TET1: variants seen among roughly 807,000 people sequenced by gnomAD.
The protein encoded by TET1 is methylcytosine dioxygenase TET1.
In TET1, 13 loss-of-function variants were observed where a neutral mutation model predicts 148.7. The ratio of observed to expected loss-of-function variants is 0.09; its 90% confidence interval spans 0.06 to 0.14. TET1 has a LOEUF of 0.14. TET1 is among the 10% of genes least tolerant of loss of function. The pLI is 1.00. For synonymous variants in TET1, 907 were observed against 937.2 expected (o/e 0.97, Z 0.59); for missense variants, 2,182 against 2,553.8 (o/e 0.85, Z 3.14).
intron 7 of TET1, among the ~76,000 whole-genome samples, chr10:68,670,167 A>G (rs948496910): frequency 2.0e-5 from 3 of 152,210 alleles, no homozygotes; most frequent in Non-Finnish European, 4.4e-5. Flanking sequence ...GATCAAATTC[A>G]GGAAATTTAA....
At chr10:68,671,188 C>T (rs1479125880) in intron 7 of TET1, among the ~76,000 whole-genome samples, 2 of 152,168 alleles carry the variant, frequency 1.3e-5, no homozygotes, top group Non-Finnish European at 2.9e-5. Flanking sequence ...TTCTGATCCT[C>T]TCTGTCTTCC....
intron 3 of TET1, among the ~76,000 whole-genome samples, chr10:68,640,353 C>G (rs538352058): frequency 1.3e-5 from 2 of 149,522 alleles, no homozygotes; most frequent in African/African-American, 2.5e-5. Flanking sequence ...AACCTCTGCC[C>G]GCCAGGTTCA....
chr10:68,677,023 C>G (rs2055371251), intron 8 of TET1, among the ~76,000 whole-genome samples: 2 of 152,188 alleles, frequency 1.3e-5, no homozygotes, highest in Non-Finnish European at 2.9e-5. Flanking sequence ...CCAGTCAAAA[C>G]CAAAGTGGAC....
chr10:68,605,370 G>A (rs1013822958), intron 3 of TET1, among the ~76,000 whole-genome samples: 6 of 152,158 alleles, frequency 3.9e-5, no homozygotes, highest in African/African-American at 1.2e-4. Context: ...CTACTCGGGA[G>A]GCTGCGGTAG....
At position 68,645,921 on chromosome 10, in the gene TET1, A is replaced by G; in HGVS notation, c.3192A>G (p.Ser1064=). 1 of 1,614,160 alleles carries G rather than the reference A, an allele frequency of 6.2e-7. No homozygotes were observed. Among genetic ancestry groups the G allele is most frequent in the African/African-American group, 1.3e-5 (1 of 75,036 alleles). The change falls in exon 4 of 12, where the codon TCA becomes TCG. Residue 1064 remains serine (S), a synonymous_variant. Coordinates refer to ENST00000373644, the MANE Select transcript of TET1 (RefSeq NM_030625.3). ...AAAAATTGGACTCAGATGATCTATC[A>G]TGTCAGGATGCAACCCATACCCAAA... The part of the protein sequence containing the change: ...SSKKLDSDDL[S]CQDATHTQIE...
rs138486590 is a variant in TET1 at position 68,646,742 on chromosome 10, C to T, written c.4013C>T (p.Pro1338Leu). The T allele has an allele frequency of 1.2e-5, 20 of 1,614,152 alleles. No homozygotes were observed. Among genetic ancestry groups the T allele is most frequent in the Non-Finnish European group, 1.7e-5 (20 of 1,180,024 alleles). Reference sequence around the variant, plus strand: ...ATGCATCAGAGACTGCCAACATTGCCTGGTATCTCTCATGAAACACCCTTA... The same window carrying T: ...ATGCATCAGAGACTGCCAACATTGCTTGGTATCTCTCATGAAACACCCTTA... ...QLMHQRLPTL[P>L]GISHETPLPE... is the part of the protein sequence containing the mutation. Residue 1338 changes from proline to leucine, a missense_variant, in exon 4 of 12, where the codon CCT (proline) becomes CTT (leucine). Physicochemically the swap from Pro to Leu is moderately conservative, Grantham distance 98 (BLOSUM62 -3). This residue lies in a region of TET1 where 582 missense variants were observed against 599.5 expected (regional missense o/e 0.97). Coordinates refer to ENST00000373644, the MANE Select transcript of TET1 (RefSeq NM_030625.3).
Position 68,691,239 on chromosome 10 carries a change from C to T in TET1, c.5836C>T (p.Leu1946Phe), listed in dbSNP as rs1423301146. ...TCAGCCAAACCACCAGCCCTCCTTCCTCACCTCTCCTCAAGACCTTGCCTC... is the reference window on the plus strand; with the variant it reads ...TCAGCCAAACCACCAGCCCTCCTTCTTCACCTCTCCTCAAGACCTTGCCTC... ...PHQPNHQPSF[L>F]TSPQDLASSP... Residue 1946 changes from leucine to phenylalanine, a missense_variant, in exon 12 of 12, where the codon CTC (leucine) becomes TTC (phenylalanine). Coordinates refer to ENST00000373644, the MANE Select transcript of TET1 (RefSeq NM_030625.3). The surrounding 1 kb of genome is among the most constrained non-coding windows in gnomAD (Gnocchi z 4.4). 1 of 1,614,032 alleles carries T rather than the reference C, an allele frequency of 6.2e-7. No individual in the cohort carries two copies. Among genetic ancestry groups the T allele is most frequent in the Non-Finnish European group, 8.5e-7 (1 of 1,180,046 alleles).
chr10:68,590,343 G>C (rs1022655224), intron 2 of TET1, among the ~76,000 whole-genome samples: 1 of 152,170 alleles, frequency 6.6e-6, no homozygotes, highest in Non-Finnish European at 1.5e-5. Context: ...TGTTGCCCAG[G>C]CTGGTCTCAA....
intron 6 of TET1, among the ~76,000 whole-genome samples, chr10:68,655,540 G>C (rs2055008695): frequency 6.6e-6 from 1 of 152,210 alleles, no homozygotes; most frequent in Non-Finnish European, 1.5e-5. Flanking sequence ...GTCCAAAAGA[G>C]AGAAATGTAA....
rs1295221903 is a variant in TET1, at chr10:68,560,374, C to CG, written c.-485dup. On this transcript the variant is annotated 5_prime_UTR_variant, in exon 1 of 12. Transcript: ENST00000373644. Reference sequence around the variant, plus strand: ...CTGTCCTGGGGAGACACTGCTGCTCCGGGGGGCTGACCTGGCGGGGAGTGG... The same window carrying CG: ...CTGTCCTGGGGAGACACTGCTGCTCCGGGGGGGCTGACCTGGCGGGGAGTGG... Among the ~76,000 whole-genome samples, 1 of 152,202 alleles carries CG rather than the reference C, an allele frequency of 6.6e-6. No individual in the cohort carries two copies. The highest frequency in any genetic ancestry group is 1.5e-5 in the Non-Finnish European group (1 of 68,032).
chr10:68,561,606 G>C (rs1266135825), intron 1 of TET1, among the ~76,000 whole-genome samples: 1 of 152,082 alleles, frequency 6.6e-6, no homozygotes, highest in Non-Finnish European at 1.5e-5. Flanking sequence ...CACGTGAGGG[G>C]CCTGGTCCTC....
intron 3 of TET1, among the ~76,000 whole-genome samples, chr10:68,616,102 C>A (rs561354034): frequency 6.6e-6 from 1 of 152,242 alleles, no homozygotes; most frequent in African/African-American, 2.4e-5. Flanking sequence ...AACATTGATA[C>A]AATGCTATTA....
At chr10:68,588,097 A>C (rs2053879987) in intron 2 of TET1, among the ~76,000 whole-genome samples, 1 of 152,122 alleles carries the variant, frequency 6.6e-6, no homozygotes, top group Non-Finnish European at 1.5e-5. Flanking sequence ...TCCTGACCTC[A>C]CGTGATCCAC....
In TET1 at chr10:68,681,462, T is replaced by C; in HGVS notation, c.4888T>C (p.Tyr1630His). The change falls in exon 9 of 12, where the codon TAT becomes CAT. Residue 1630 changes from tyrosine to histidine, a missense_variant. Transcript: ENST00000373644. ...ATRLAPIYKQ[Y>H]APVAYQNQVE... is the part of the protein sequence containing the mutation. The stretch of plus-strand genomic sequence containing the variant: ...ACGATTAGCTCCAATTTATAAGCAG[T>C]ATGCTCCAGTAGCTTACCAAAATCA... 3 of 1,613,560 alleles carry C rather than the reference T, an allele frequency of 1.9e-6. No homozygotes were observed. The highest frequency in any genetic ancestry group is 2.5e-6 in the Non-Finnish European group (3 of 1,179,582).
intron 6 of TET1, among the ~76,000 whole-genome samples, chr10:68,657,408 C>A (rs1220193299): frequency 6.6e-6 from 1 of 152,126 alleles, no homozygotes; most frequent in Admixed American, 6.5e-5. Context: ...GATCTCCCGA[C>A]CTCGTGATCC....
intron 8 of TET1, chr10:68,674,988 G>C: frequency 2.5e-6 from 1 of 394,906 alleles, no homozygotes; most frequent in Non-Finnish European, 4.7e-6. Flanking sequence ...CTTTGAATTG[G>C]GGAAACTCAT....
At chr10:68,595,957 TATATACACAC>T (rs1300186173) in intron 2 of TET1, among the ~76,000 whole-genome samples, 56 of 40,852 alleles carry the variant, frequency 1.4e-3, no homozygotes, top group South Asian at 4.0e-3. Flanking sequence ...TATATATATA[TATATACACAC>T]ACACACACAC....
chr10:68,640,761 C>T (rs2054740229), intron 3 of TET1, among the ~76,000 whole-genome samples: 1 of 151,118 alleles, frequency 6.6e-6, no homozygotes. Flanking sequence ...CCATGTTAGC[C>T]AGGATGGTCT....
At position 68,590,497 on chromosome 10, in the gene TET1, T is replaced by C. The variant is rs150750824; in HGVS notation, c.1915-10484T>C. Among the ~76,000 whole-genome samples the C allele has an allele frequency of 1.3e-3, 196 of 152,310 alleles. 1 individual carries two copies. Among genetic ancestry groups the C allele is most frequent in the Non-Finnish European group, 2.4e-3 (160 of 68,022 alleles). ...TGTTAGTATTTCCCCCCATTGAGTC[T>C]ACTGGAGGTTGACTTGCTCATGGTC... On this transcript the variant is annotated intron_variant, in intron 2 of 11. Transcript: ENST00000373644.
Sources: allele counts gnomAD v4.1 joint callset (sites outside exome capture counted in the v4.1 genomes callset), GRCh38; gene constraint gnomAD v4.1.1; regional missense constraint gnomAD v4.1.1; non-coding constraint Gnocchi (gnomAD v3.1); transcripts MANE v1.5; gene names NCBI Gene and HGNC (gene_info 2026-07-23, HGNC 2026-07-21).